Variants in EFCAB13 observed in about 807,000 individuals in gnomAD.
The protein encoded by EFCAB13 is EF-hand calcium-binding domain-containing protein 13.
Under a neutral mutation model 110.2 loss-of-function variants are expected in EFCAB13, and 91 were observed. The ratio of observed to expected loss-of-function variants is 0.83; its 90% CI spans 0.70 to 0.98. The LOEUF (loss-of-function observed/expected upper bound fraction) is 0.98, where lower values mean the gene tolerates loss of function less well. EFCAB13 is among the 50% of genes least tolerant of loss of function. The pLI is 0.00. For synonymous variants in EFCAB13, 323 were observed against 369.9 expected (o/e 0.87, Z 1.45); for missense variants, 968 against 1,119.4 (o/e 0.86, Z 1.93).
chr17:47,413,163 A>C (rs1344619891), intron 22 of EFCAB13, among the ~76,000 whole-genome samples: 6 of 152,196 alleles, frequency 3.9e-5, no homozygotes, highest in Non-Finnish European at 8.8e-5. Context: ...ATGGGTGGAA[A>C]AATACCATAA....
chr17:47,392,851 T>G (rs1485904583), intron 15 of EFCAB13, among the ~76,000 whole-genome samples: 1 of 152,150 alleles, frequency 6.6e-6, no homozygotes, highest in African/African-American at 2.4e-5. Flanking sequence ...TTTGCATACA[T>G]TAAGAACTTC....
chr17:47,365,681 A>G (rs927505742), intron 10 of EFCAB13, among the ~76,000 whole-genome samples: 13 of 152,152 alleles, frequency 8.5e-5, no homozygotes, highest in African/African-American at 2.9e-4. Flanking sequence ...TTGGTTATAT[A>G]CAATAGACTT....
At chr17:47,381,328 C>A (rs1225725294) in intron 14 of EFCAB13, among the ~76,000 whole-genome samples, 1 of 152,046 alleles carries the variant, frequency 6.6e-6, no homozygotes, top group Non-Finnish European at 1.5e-5. Flanking sequence ...ATGATAGTTT[C>A]TTTTGCGTGC....
At chr17:47,333,649 A>T (rs1217721506) in intron 4 of EFCAB13, among the ~76,000 whole-genome samples, 1 of 152,190 alleles carries the variant, frequency 6.6e-6, no homozygotes, top group African/African-American at 2.4e-5. Context: ...TTTTCTGCAG[A>T]AGGATATCCA....
chr17:47,327,667 G>A (rs1337048816), intron 3 of EFCAB13, among the ~76,000 whole-genome samples: 1 of 152,170 alleles, frequency 6.6e-6, no homozygotes, highest in African/African-American at 2.4e-5. Context: ...ATATTGACCA[G>A]GATGGTCTCA....
Position 47,370,469 on chromosome 17 carries a change from TTTAC to T in EFCAB13, c.841_844del (p.Thr281Ter). 1 of 1,607,592 alleles carries T rather than the reference TTTAC, an allele frequency of 6.2e-7. No homozygotes were observed. The highest frequency in any genetic ancestry group is 8.5e-7 in the Non-Finnish European group (1 of 1,174,446). ...CATGGTGGATATTGGGGATATTATATTTACTTTGAATGAGCTACAGGAACAGTAT... is the reference window on the plus strand; with the variant it reads ...CATGGTGGATATTGGGGATATTATATTTTGAATGAGCTACAGGAACAGTAT... On this transcript the variant is annotated frameshift_variant, in exon 11 of 25. Coordinates refer to ENST00000331493, the MANE Select transcript of EFCAB13 (RefSeq NM_152347.5). LOFTEE classifies it high-confidence loss of function.
chr17:47,342,658 C>A (rs1850489635), intron 6 of EFCAB13, among the ~76,000 whole-genome samples: 1 of 152,054 alleles, frequency 6.6e-6, no homozygotes, highest in Non-Finnish European at 1.5e-5. Context: ...AGAATGCATG[C>A]CTTTCTTCAA....
rs1173874601 is a variant in EFCAB13, at chr17:47,440,772, A to G, written c.*58A>G. Reference sequence around the variant, plus strand: ...AGATTATATATTATTCAGTATGCATATTTGACTTCTGAAATTATTAGAAAA... The same window carrying G: ...AGATTATATATTATTCAGTATGCATGTTTGACTTCTGAAATTATTAGAAAA... On this transcript the variant is annotated 3_prime_UTR_variant, in exon 25 of 25. Coordinates refer to ENST00000331493, the MANE Select transcript of EFCAB13 (RefSeq NM_152347.5). 2.3e-6 allele frequency: 3 copies of G among 1,310,500 alleles called. No homozygotes were observed. The highest frequency in any genetic ancestry group is 3.1e-6 in the Non-Finnish European group (3 of 979,762). The allele number at this position is 1,310,500 out of a possible 1,614,324, so 81.2% of individuals were successfully genotyped here.
Position 47,374,661 on chromosome 17 carries a change from A to T in EFCAB13, c.1067A>T (p.Glu356Val). The T allele has an allele frequency of 6.2e-7, 1 of 1,610,494 alleles. No homozygotes were observed. The highest frequency in any genetic ancestry group is 8.5e-7 in the Non-Finnish European group (1 of 1,179,210). ...AAAATTATGGAGAATGATGACCTTG[A>T]ATCTAAAAGACCAAAAAATACTTGG... is the stretch of plus-strand genomic sequence containing the variant. Reference protein sequence around the residue: ...YSKIMENDDLESKRPKNTWQI... With the variant: ...YSKIMENDDLVSKRPKNTWQI... Residue 356 changes from glutamate to valine, a missense_variant, in exon 12 of 25, where the codon GAA becomes GTA. By Grantham distance (121) the Glu-to-Val change is moderately radical. Coordinates refer to ENST00000331493, the MANE Select transcript of EFCAB13 (RefSeq NM_152347.5).
chr17:47,374,435 C>A, intron 11 of EFCAB13, 37 bp from the exon 12 acceptor site: 1 of 1,386,470 alleles, frequency 7.2e-7, no homozygotes. Flanking sequence ...GCAAATTATA[C>A]AGGTAAATGA....
intron 14 of EFCAB13, among the ~76,000 whole-genome samples, chr17:47,383,715 A>C: frequency 6.6e-6 from 1 of 152,166 alleles, no homozygotes; most frequent in Non-Finnish European, 1.5e-5. Flanking sequence ...CAATTTTAGA[A>C]TAAGTGCGAT....
intron 14 of EFCAB13, among the ~76,000 whole-genome samples, chr17:47,385,413 C>T (rs1241647491): frequency 2.0e-5 from 3 of 151,648 alleles, no homozygotes; most frequent in African/African-American, 7.3e-5. Flanking sequence ...TCTCTGATAT[C>T]CTTTCTTCTG....
Position 47,409,660 on chromosome 17 carries a change from G to A in EFCAB13, c.2247G>A (p.Glu749=), listed in dbSNP as rs1567802227. The A allele has an allele frequency of 1.9e-6, 3 of 1,611,384 alleles. No homozygotes were observed. ...KFSNYIDFRK[E]ASNLKLPKVN... ...CTAAATTTGCAGATTTCAGGAAAGA[G>A]GCTTCAAATCTAAAATTACCAAAGG... The change falls in exon 21 of 25, where the codon GAG becomes GAA. Residue 749 remains glutamate (E), a synonymous_variant. Transcript: ENST00000331493.
chr17:47,435,487 C>G (rs1905194632), intron 24 of EFCAB13, among the ~76,000 whole-genome samples: 1 of 151,990 alleles, frequency 6.6e-6, no homozygotes, highest in Admixed American at 6.6e-5. Context: ...ACAAGTAGGT[C>G]TTTTGACTCC....
At chr17:47,393,689 G>A (rs370565804) in intron 15 of EFCAB13, among the ~76,000 whole-genome samples, 86 of 150,862 alleles carry the variant, frequency 5.7e-4, no homozygotes, top group African/African-American at 1.3e-3. Context: ...GCACTCTAGC[G>A]TGGGTGACAG....
intron 9 of EFCAB13, among the ~76,000 whole-genome samples, chr17:47,361,155 T>C (rs1397158284): frequency 1.3e-5 from 2 of 152,184 alleles, no homozygotes; most frequent in Non-Finnish European, 2.9e-5. Context: ...GTGCTAAGGA[T>C]TGTTAACATA....
chr17:47,422,472 A>G (rs1904756184), intron 23 of EFCAB13, among the ~76,000 whole-genome samples: 1 of 152,198 alleles, frequency 6.6e-6, no homozygotes. Context: ...TATAATTAAT[A>G]GGTAGAAAAA....
intron 7 of EFCAB13, 76 bp from the exon 8 acceptor site, chr17:47,344,940 G>C: frequency 1.9e-6 from 2 of 1,078,442 alleles, no homozygotes; most frequent in Non-Finnish European, 2.8e-6. Flanking sequence ...CAGACTATTG[G>C]TAAGTTTGCT....
intron 24 of EFCAB13, among the ~76,000 whole-genome samples, chr17:47,435,205 C>G (rs1249528334): frequency 6.6e-6 from 1 of 151,924 alleles, no homozygotes; most frequent in Non-Finnish European, 1.5e-5. Flanking sequence ...ACAAAACCAT[C>G]AAAAAGTGGG....
Sources: gnomAD v4.1 joint callset for allele counts (sites outside exome capture counted in the v4.1 genomes callset) on GRCh38, gnomAD v4.1.1 for gene constraint, MANE v1.5 for transcripts, NCBI Gene and HGNC (gene_info 2026-07-23, HGNC 2026-07-21) for gene names.